The following TICRR variants were observed in gnomAD, a reference collection of about 807,000 sequenced individuals.
TICRR encodes the protein TOPBP1 interacting checkpoint and replication regulator.
TICRR carries 132 observed loss-of-function variants against 178.1 expected under a neutral mutation model. That is an observed-to-expected ratio of 0.74 (90% CI 0.64 to 0.86). TICRR has a LOEUF of 0.86. Among genes scored for constraint, TICRR ranks in the 40% least tolerant of loss-of-function variants. The pLI is 0.00. For missense variants in TICRR, 2,587 were observed against 2,334.3 expected (o/e 1.11, Z -2.23); for synonymous variants, 991 against 900.7 (o/e 1.10, Z -1.79).
intron 13 of TICRR, among the ~76,000 whole-genome samples, chr15:89,603,537 G>A (rs1984955): frequency 0.82 from 125,248 of 152,230 alleles, 52,354 homozygotes; most frequent in Non-Finnish European, 0.92. Flanking sequence ...ATGAGCTATG[G>A]TCGTGCCACT....
chr15:89,624,399 A>G lies in TICRR; in HGVS notation c.4089A>G (p.Glu1363=). Reference sequence around the variant, plus strand: ...GCCCTGTTCCCTCAACTCCCCCTGAACTCTCACAGAGAGCTACATTGGACA... The same window carrying G: ...GCCCTGTTCCCTCAACTCCCCCTGAGCTCTCACAGAGAGCTACATTGGACA... The part of the protein sequence containing the change: ...LSCPVPSTPP[E]LSQRATLDTV... The change falls in exon 20 of 22, where the codon GAA becomes GAG. Residue 1363 remains glutamate (E), a synonymous_variant. Transcript: ENST00000268138. 6.2e-7 allele frequency: 1 copy of G among 1,613,856 alleles called. No individual in the cohort carries two copies. Among genetic ancestry groups the G allele is most frequent in the Non-Finnish European group, 8.5e-7 (1 of 1,179,936 alleles).
At chr15:89,591,898 T>A in intron 4 of TICRR, 149 bp from the exon 5 acceptor site, 1 of 564,792 alleles carries the variant, frequency 1.8e-6, no homozygotes, top group Non-Finnish European at 3.0e-6. Context: ...CTGTAGCAGT[T>A]TGTGGTGCCG....
Position 89,601,751 on chromosome 15 carries a change from TCC to T in TICRR, c.2344_2345del (p.Pro782LysfsTer29). ...CTGTTCCACAGGTATATTGACTCTA[TCC>T]CAAAGACACTTGGAAATCTTTACAA... is the stretch of plus-strand genomic sequence containing the variant. On this transcript the variant is annotated frameshift_variant, in exon 12 of 22. Transcript: ENST00000268138. LOFTEE classifies it high-confidence loss of function. 1 of 1,614,178 alleles carries T rather than the reference TCC, an allele frequency of 6.2e-7. No homozygotes were observed. The highest frequency in any genetic ancestry group is 8.5e-7 in the Non-Finnish European group (1 of 1,180,010).
intron 17 of TICRR, among the ~76,000 whole-genome samples, chr15:89,619,056 A>C (rs1397293798): frequency 6.6e-6 from 1 of 152,260 alleles, no homozygotes; most frequent in East Asian, 1.9e-4. Context: ...TGGAAAAAAC[A>C]GGAAACATGA....
At chr15:89,606,136 T>G (rs866248054) in intron 13 of TICRR, among the ~76,000 whole-genome samples, 1 of 152,220 alleles carries the variant, frequency 6.6e-6, no homozygotes, top group Admixed American at 6.5e-5. Flanking sequence ...CCCTTTTCTA[T>G]ATGCACCAAT....
chr15:89,620,144 G>C (rs1963401087), intron 18 of TICRR, among the ~76,000 whole-genome samples: 1 of 152,150 alleles, frequency 6.6e-6, no homozygotes, highest in Admixed American at 6.5e-5. Flanking sequence ...TAGGTGGAAG[G>C]TGATATCTGT....
In TICRR at chr15:89,620,615, G is replaced by A. The variant is rs866613640; in HGVS notation, c.3154+773G>A. On this transcript the variant is annotated intron_variant, in intron 18 of 21. Coordinates refer to ENST00000268138, the MANE Select transcript of TICRR (RefSeq NM_152259.4). The stretch of plus-strand genomic sequence containing the variant: ...CTTACTAAAATTAAAAAAGGCAGCA[G>A]TTGTTGTAGTTGCTGACATAAATAG... Among the ~76,000 whole-genome samples the A allele has an allele frequency of 7.9e-5, 12 of 151,706 alleles. No individual in the cohort carries two copies. The Middle Eastern group carries it at 0.041, about 516-fold the overall frequency.
chr15:89,582,337 A>T (rs1567039684), intron 1 of TICRR: 1 of 163,806 alleles, frequency 6.1e-6, no homozygotes, highest in Admixed American at 6.3e-5. Context: ...AAAAAAAAAA[A>T]AAAGGTTATT....
chr15:89,591,932 T>C, intron 4 of TICRR, 115 bp from the exon 5 acceptor site: 2 of 860,744 alleles, frequency 2.3e-6, no homozygotes, highest in Non-Finnish European at 3.4e-6. Flanking sequence ...AACTGTGCAC[T>C]TTGTATGTCC....
At chr15:89,618,652 A>G (rs1963374527) in intron 17 of TICRR, among the ~76,000 whole-genome samples, 1 of 152,218 alleles carries the variant, frequency 6.6e-6, no homozygotes, top group African/African-American at 2.4e-5. Flanking sequence ...GCAGGTGATC[A>G]GTAAGCACAT....
chr15:89,606,797 T>C lies in TICRR; in HGVS notation c.2694T>C (p.Pro898=), dbSNP rs772465472. The change falls in exon 14 of 22, where the codon CCT becomes CCC. Residue 898 remains proline, a synonymous_variant. Coordinates refer to ENST00000268138, the MANE Select transcript of TICRR (RefSeq NM_152259.4). ...ACTCTCACCCTGCTCCTCAGCAGCC[T>C]TCCCAGCCAGTGAAAGATACAGTGC... ...KENSHPAPQQ[P]SQPVKDTVQE... is the part of the protein sequence containing the mutation. 10 of 1,613,810 alleles carry C rather than the reference T, an allele frequency of 6.2e-6. No individual in the cohort carries two copies. The highest frequency in any genetic ancestry group is 8.5e-6 in the Non-Finnish European group (10 of 1,179,848).
At chr15:89,616,573 C>G in intron 16 of TICRR, 78 bp downstream of exon 16, 1 of 1,115,006 alleles carries the variant, frequency 9.0e-7, no homozygotes, top group South Asian at 1.3e-5. Context: ...TACTTCGCTT[C>G]TCTTGACCTT....
At chr15:89,626,117 C>T in intron 21 of TICRR, 56 bp downstream of exon 21, 1 of 1,588,842 alleles carries the variant, frequency 6.3e-7, no homozygotes, top group East Asian at 2.3e-5. Context: ...CTGAATTCAC[C>T]AGGGTTGCCA....
At chr15:89,587,801 T>C (rs895246470) in intron 4 of TICRR, among the ~76,000 whole-genome samples, 1 of 152,112 alleles carries the variant, frequency 6.6e-6, no homozygotes, top group African/African-American at 2.4e-5. Flanking sequence ...AAACAGCAAG[T>C]GTGGACAATT....
chr15:89,613,880 C>T lies in TICRR; in HGVS notation c.2870-2525C>T, dbSNP rs147125487. On this transcript the variant is annotated intron_variant, in intron 15 of 21. Coordinates refer to ENST00000268138, the MANE Select transcript of TICRR (RefSeq NM_152259.4). ...GATTTAAAGTCTTGTTCTAGCCGGG[C>T]GCGGTGGCTCACGCCTGTAATCCCA... 7.0e-4 allele frequency among the ~76,000 whole-genome samples: 107 copies of T among 152,084 alleles called. 2 individuals are homozygous for T. The East Asian group carries it at 0.019, about 27-fold the overall frequency.
Position 89,625,307 on chromosome 15 carries a change from C to T in TICRR, c.4997C>T (p.Pro1666Leu), listed in dbSNP as rs148575563. Residue 1666 changes from proline (P) to leucine (L), a missense_variant, in exon 20 of 22, where the codon CCT (proline) becomes CTT (leucine). Transcript: ENST00000268138. ...TPSPFQTDGV[P>L]WTPSPKHSGK... Reference sequence around the variant, plus strand: ...TCTCCATTTCAAACAGATGGGGTTCCTTGGACACCATCCCCCAAGCACAGT... The same window carrying T: ...TCTCCATTTCAAACAGATGGGGTTCTTTGGACACCATCCCCCAAGCACAGT... The T allele has an allele frequency of 3.5e-4, 573 of 1,614,088 alleles. 1 individual carries two copies. The highest frequency in any genetic ancestry group is 3.9e-4 in the Non-Finnish European group (465 of 1,179,998).
At chr15:89,598,152 T>TG (rs1218714641) in intron 7 of TICRR, among the ~76,000 whole-genome samples, 1 of 106,036 alleles carries the variant, frequency 9.4e-6, no homozygotes, top group Admixed American at 9.0e-5. Flanking sequence ...GTTTGTTTTT[T>TG]TTAGTAGAGA....
At chr15:89,622,455 C>G (rs1183439730) in intron 19 of TICRR, among the ~76,000 whole-genome samples, 1 of 152,160 alleles carries the variant, frequency 6.6e-6, no homozygotes, top group Non-Finnish European at 1.5e-5. Flanking sequence ...TTAAAATGTT[C>G]ACTTTGCTTA....
intron 15 of TICRR, among the ~76,000 whole-genome samples, chr15:89,609,277 A>G (rs1963222131): frequency 1.3e-5 from 2 of 150,728 alleles, no homozygotes; most frequent in Non-Finnish European, 3.0e-5. Flanking sequence ...CACCCAGCTA[A>G]TTTTTAAAAT....
Sources: gnomAD v4.1 joint callset for allele counts (sites outside exome capture counted in the v4.1 genomes callset) on GRCh38, gnomAD v4.1.1 for gene constraint, MANE v1.5 for transcripts, NCBI Gene and HGNC (gene_info 2026-07-23, HGNC 2026-07-21) for gene names.